The following RUFY3 variants were observed in gnomAD, a reference collection of about 807,000 sequenced individuals.
RUFY3 encodes protein RUFY3.
In RUFY3, 34 loss-of-function variants were observed where a neutral mutation model predicts 84.0. The observed-to-expected ratio is 0.40, with a 90% CI of 0.31 to 0.54. The LOEUF is 0.54. Among genes scored for constraint, RUFY3 ranks in the 20% least tolerant of loss-of-function variants. The probability of loss-of-function intolerance (pLI) is 0.39; values close to 1 mark genes in which losing one functional copy is unlikely to be tolerated. For synonymous variants in RUFY3, 242 were observed against 252.9 expected (o/e 0.96, Z 0.41); for missense variants, 507 against 736.8 (o/e 0.69, Z 3.61).
At chr4:70,779,019 G>C (rs1728457960) in intron 8 of RUFY3, among the ~76,000 whole-genome samples, 1 of 152,206 alleles carries the variant, frequency 6.6e-6, no homozygotes, top group Non-Finnish European at 1.5e-5. Flanking sequence ...GTCTGGGCTA[G>C]CCTAGATTAA....
chr4:70,769,444 G>T (rs1291667622), intron 5 of RUFY3, among the ~76,000 whole-genome samples: 1 of 152,114 alleles, frequency 6.6e-6, no homozygotes, highest in African/African-American at 2.4e-5. Context: ...ATACTTTATT[G>T]CTAAAAAAAT....
chr4:70,784,824 G>A lies in RUFY3; in HGVS notation c.1016G>A (p.Gly339Glu). 6.2e-7 allele frequency: 1 copy of A among 1,605,954 alleles called. No homozygotes were observed. The highest frequency in any genetic ancestry group is 1.7e-5 in the Admixed American group (1 of 58,736). ...CCCAAGCAAGACAGAACTGCAGAAG[G>A]GCAAGCACTAAGTGAAGCAAGAAAG... ...KGPKQDRTAE[G>E]QALSEARKHL... Residue 339 changes from glycine to glutamate, a missense_variant, in exon 10 of 18, where the codon GGG becomes GAG. Gly to Glu is a moderately conservative substitution (Grantham distance 98). Coordinates refer to ENST00000381006, the MANE Select transcript of RUFY3 (RefSeq NM_001037442.4).
chr4:70,774,976 T>C (rs1433886241), intron 6 of RUFY3, among the ~76,000 whole-genome samples, 192 bp from the exon 7 acceptor site: 3 of 152,024 alleles, frequency 2.0e-5, no homozygotes, highest in Non-Finnish European at 4.4e-5. Context: ...AGGGGTTTTG[T>C]CATTTTTAAA....
In RUFY3 at chr4:70,778,369, T is replaced by C; in HGVS notation, c.825T>C (p.Asn275=). The C allele has an allele frequency of 1.3e-6, 2 of 1,562,466 alleles. No individual in the cohort carries two copies. Among genetic ancestry groups the C allele is most frequent in the South Asian group, 1.1e-5 (1 of 89,662 alleles). Residue 275 remains asparagine (N), a splice_region_variant and synonymous_variant, in exon 8 of 18, where the codon AAT becomes AAC. Transcript: ENST00000381006. The part of the protein sequence containing the change: ...NYVEELNRHL[N]ATVNNLQAKV... ...CTTTTTTTTCTTCTCTATATTATAGTGCTACTGTAAACAACCTTCAGGCAA... is the reference window on the plus strand; with the variant it reads ...CTTTTTTTTCTTCTCTATATTATAGCGCTACTGTAAACAACCTTCAGGCAA...
intron 1 of RUFY3, chr4:70,741,627 ACT>A (rs1721332264): frequency 1.3e-6 from 2 of 1,518,684 alleles, no homozygotes; most frequent in African/African-American, 1.4e-5. Flanking sequence ...GTTTGCAAAG[ACT>A]CTTGGGAGGA....
chr4:70,781,374 G>A (rs1489741799), intron 8 of RUFY3, among the ~76,000 whole-genome samples: 1 of 152,144 alleles, frequency 6.6e-6, no homozygotes, highest in African/African-American at 2.4e-5. Flanking sequence ...CAGCTACTCG[G>A]CATGCTGAGG....
At chr4:70,760,582 G>A (rs1724855221) in intron 1 of RUFY3, among the ~76,000 whole-genome samples, 1 of 151,936 alleles carries the variant, frequency 6.6e-6, no homozygotes, top group Non-Finnish European at 1.5e-5. Context: ...ATTATAGGAG[G>A]TCAGAAACAC....
At chr4:70,731,439 A>C (rs142837957) in intron 1 of RUFY3, among the ~76,000 whole-genome samples, 34 of 152,340 alleles carry the variant, frequency 2.2e-4, no homozygotes, top group African/African-American at 8.2e-4. Flanking sequence ...ATATTTACAT[A>C]ATCGTGCATA....
chr4:70,793,053 A>C (rs1430304449), intron 12 of RUFY3: 1 of 985,260 alleles, frequency 1.0e-6, no homozygotes. Flanking sequence ...CTTCTAAAAC[A>C]TGCTTCTCTA....
Position 70,794,798 on chromosome 4 carries a change from C to A in RUFY3, c.1461C>A (p.Asn487Lys), listed in dbSNP as rs1486696581. ...LEVEELTRQR[N>K]QLELELKQEK... ...TTTCCTCTCCAACTTACCTCAGGAA[C>A]CAGCTTGAGTTAGAACTAAAACAGG... The change falls in exon 14 of 18, where the codon AAC (asparagine) becomes AAA (lysine). Residue 487 changes from asparagine (N) to lysine (K), a missense_variant. By Grantham distance (94) the Asn-to-Lys change is moderately conservative. Coordinates refer to ENST00000381006, the MANE Select transcript of RUFY3 (RefSeq NM_001037442.4). 2 of 1,608,354 alleles carry A rather than the reference C, an allele frequency of 1.2e-6. No homozygotes were observed. The highest frequency in any genetic ancestry group is 1.7e-6 in the Non-Finnish European group (2 of 1,175,548).
intron 1 of RUFY3, among the ~76,000 whole-genome samples, chr4:70,747,078 T>A (rs1470694163): frequency 6.6e-6 from 1 of 152,248 alleles, no homozygotes; most frequent in African/African-American, 2.4e-5. Flanking sequence ...TATCTCTCGA[T>A]ATTATTTCTT....
chr4:70,750,913 C>G (rs911772825), intron 1 of RUFY3, among the ~76,000 whole-genome samples: 2 of 152,096 alleles, frequency 1.3e-5, no homozygotes, highest in East Asian at 3.8e-4. Flanking sequence ...TAGCATGTAT[C>G]GTAACTTCAT....
chr4:70,766,621 T>G (rs1487594565), intron 4 of RUFY3, among the ~76,000 whole-genome samples: 1 of 152,144 alleles, frequency 6.6e-6, no homozygotes, highest in Non-Finnish European at 1.5e-5. Context: ...GAGTAGAAGG[T>G]ACAGATATTT....
chr4:70,733,330 A>G (rs1476906161), intron 1 of RUFY3, among the ~76,000 whole-genome samples: 8 of 152,160 alleles, frequency 5.3e-5, no homozygotes, highest in Admixed American at 4.6e-4. Flanking sequence ...TGTTGTTTAA[A>G]TATATCTTAA....
intron 3 of RUFY3, 53 bp downstream of exon 3, chr4:70,763,722 C>T (rs1246288488): frequency 1.9e-6 from 3 of 1,575,584 alleles, no homozygotes. Context: ...TATTAACTAT[C>T]CCTTGAAGAG....
intron 8 of RUFY3, among the ~76,000 whole-genome samples, chr4:70,779,240 A>C (rs541726227): frequency 7.2e-5 from 11 of 152,190 alleles, no homozygotes; most frequent in Non-Finnish European, 1.6e-4. Flanking sequence ...CCCTGCCTAC[A>C]AATCATGCTT....
At chr4:70,736,174 A>G (rs1210727306) in intron 1 of RUFY3, among the ~76,000 whole-genome samples, 1 of 151,948 alleles carries the variant, frequency 6.6e-6, no homozygotes, top group Non-Finnish European at 1.5e-5. Flanking sequence ...AAAAAAGAAA[A>G]GAAAAGGAAA....
rs200274807 is a variant in RUFY3, at chr4:70,753,136, C to CT, written c.179-9382dup. On this transcript the variant is annotated intron_variant, in intron 1 of 17. Coordinates refer to ENST00000381006, the MANE Select transcript of RUFY3 (RefSeq NM_001037442.4). ...TTATGTCAGTTTTGGTAGTTTGTGTCTAAGAAATTGTCCATTTTGTCTAGA... is the reference window on the plus strand; with the variant it reads ...TTATGTCAGTTTTGGTAGTTTGTGTCTTAAGAAATTGTCCATTTTGTCTAGA... 8.8e-3 allele frequency among the ~76,000 whole-genome samples: 1,346 copies of CT among 152,176 alleles called. 12 individuals carry two copies. The highest frequency in any genetic ancestry group is 0.017 in the South Asian group (81 of 4,818).
chr4:70,718,007 T>C (rs907317923), upstream of RUFY3, among the ~76,000 whole-genome samples: 7 of 150,486 alleles, frequency 4.7e-5, no homozygotes, highest in African/African-American at 1.7e-4. Context: ...CTCAGCCTCC[T>C]GAGTAGCTGG....
Sources: allele counts gnomAD v4.1 joint callset (sites outside exome capture counted in the v4.1 genomes callset), GRCh38; gene constraint gnomAD v4.1.1; transcripts MANE v1.5; gene names NCBI Gene and HGNC (gene_info 2026-07-23, HGNC 2026-07-21).